TSPAN18: variants seen among roughly 807,000 people sequenced by gnomAD.
TSPAN18 encodes tetraspanin-18.
In TSPAN18, 14 loss-of-function variants were observed where a neutral mutation model predicts 27.3. The ratio of observed to expected loss-of-function variants is 0.51; its 90% CI spans 0.34 to 0.80. The LOEUF is 0.80. TSPAN18 is among the 30% of genes least tolerant of loss of function. TSPAN18 has a pLI of 0.01. For synonymous variants in TSPAN18, 143 were observed against 136.5 expected, an observed-to-expected ratio of 1.05 and a Z score of -0.33; for missense variants, 268 against 323.9, an observed-to-expected ratio of 0.83 and a Z score of 1.32.
intron 1 of TSPAN18, among the ~76,000 whole-genome samples, chr11:44,747,712 A>C (rs1253826389): frequency 6.6e-6 from 1 of 151,894 alleles, no homozygotes; most frequent in Non-Finnish European, 1.5e-5. Context: ...CTCTCTCAGC[A>C]CTCAGATTTC....
At chr11:44,822,553 T>C (rs1419920563) in intron 2 of TSPAN18, among the ~76,000 whole-genome samples, 7 of 151,624 alleles carry the variant, frequency 4.6e-5, no homozygotes, top group Non-Finnish European at 1.0e-4. Flanking sequence ...TCACTTCCAC[T>C]ATCATTGGTG....
At chr11:44,785,669 C>G (rs150929674) in intron 2 of TSPAN18, among the ~76,000 whole-genome samples, 2 of 152,164 alleles carry the variant, frequency 1.3e-5, no homozygotes, top group East Asian at 3.9e-4. Context: ...CTCCCTTTGT[C>G]TGGGGCCTCC....
intron 2 of TSPAN18, among the ~76,000 whole-genome samples, chr11:44,794,067 T>C (rs567926789): frequency 1.3e-4 from 20 of 152,278 alleles, no homozygotes; most frequent in South Asian, 6.2e-4. Flanking sequence ...GATTGTGTTA[T>C]CCAGGAATCA....
At chr11:44,797,476 G>T (rs1380188971) in intron 2 of TSPAN18, among the ~76,000 whole-genome samples, 1 of 152,166 alleles carries the variant, frequency 6.6e-6, no homozygotes, top group Admixed American at 6.6e-5. Context: ...TCTGAGCGAT[G>T]TGAGGGATGA....
chr11:44,904,247 C>G (rs1016895338), intron 3 of TSPAN18, among the ~76,000 whole-genome samples: 1 of 152,336 alleles, frequency 6.6e-6, no homozygotes. Flanking sequence ...GAGTGTCTTC[C>G]CCTCCTGACT....
At chr11:44,849,554 G>T (rs1857554234) in intron 2 of TSPAN18, among the ~76,000 whole-genome samples, 1 of 152,166 alleles carries the variant, frequency 6.6e-6, no homozygotes, top group Non-Finnish European at 1.5e-5. Flanking sequence ...TGCAGATGGG[G>T]GTGTGGCCTC....
intron 2 of TSPAN18, among the ~76,000 whole-genome samples, chr11:44,831,340 A>T (rs1451361890): frequency 6.6e-6 from 1 of 152,134 alleles, no homozygotes; most frequent in Non-Finnish European, 1.5e-5. Context: ...GTATGCTCGG[A>T]GCTACAGAGT....
At chr11:44,815,412 G>A (rs1191742611) in intron 2 of TSPAN18, among the ~76,000 whole-genome samples, 1 of 152,192 alleles carries the variant, frequency 6.6e-6, no homozygotes, top group Non-Finnish European at 1.5e-5. Context: ...CTTCCTCAGG[G>A]GTGGCTGGAC....
chr11:44,770,949 C>T (rs180781018), intron 2 of TSPAN18, among the ~76,000 whole-genome samples: 4 of 152,210 alleles, frequency 2.6e-5, no homozygotes, highest in Non-Finnish European at 5.9e-5. Context: ...TTGAGTTCTT[C>T]TCAGGCATTT....
At position 44,920,010 on chromosome 11, in the gene TSPAN18, T is replaced by C. The variant is rs1860066732; in HGVS notation, c.615+11T>C. On this transcript the variant is annotated intron_variant, in intron 8 of 9. Coordinates refer to ENST00000520358, the MANE Select transcript of TSPAN18 (RefSeq NM_130783.5). ...TTCCTAAACAAGCAGGTACTGGCCC[T>C]GCTCTCCAGACAGGGGAGTGGGTCT... The C allele has an allele frequency of 6.2e-7, 1 of 1,609,586 alleles. No homozygotes were observed. The highest frequency in any genetic ancestry group is 1.3e-5 in the African/African-American group (1 of 74,678).
chr11:44,749,633 T>C (rs972337146), intron 1 of TSPAN18, among the ~76,000 whole-genome samples: 4 of 70,540 alleles, frequency 5.7e-5, no homozygotes, highest in South Asian at 1.2e-3. Flanking sequence ...TGGAACTTTC[T>C]TTTTTTTTTT....
intron 2 of TSPAN18, among the ~76,000 whole-genome samples, chr11:44,803,788 C>A (rs1442633149): frequency 1.3e-5 from 2 of 151,980 alleles, no homozygotes; most frequent in Admixed American, 6.6e-5. Context: ...ATTGAGGCTA[C>A]TAAGAAAAAT....
chr11:44,888,320 G>A (rs374056504), intron 3 of TSPAN18, among the ~76,000 whole-genome samples: 2 of 151,884 alleles, frequency 1.3e-5, no homozygotes, highest in South Asian at 2.1e-4. Context: ...TTTACCCCTG[G>A]GTAACTCAGG....
chr11:44,922,235 A>G (rs1173882862), intron 8 of TSPAN18, among the ~76,000 whole-genome samples: 1 of 150,752 alleles, frequency 6.6e-6, no homozygotes, highest in Non-Finnish European at 1.5e-5. Flanking sequence ...TCCCACCTCA[A>G]CCTCTCAAGT....
At chr11:44,799,494 C>G (rs1000627917) in intron 2 of TSPAN18, among the ~76,000 whole-genome samples, 1 of 152,214 alleles carries the variant, frequency 6.6e-6, no homozygotes, top group African/African-American at 2.4e-5. Context: ...ATCTGTTAGC[C>G]CTCCAAGTAA....
intron 2 of TSPAN18, among the ~76,000 whole-genome samples, chr11:44,850,383 T>G (rs1272977387): frequency 1.3e-5 from 2 of 151,922 alleles, no homozygotes; most frequent in Non-Finnish European, 2.9e-5. Flanking sequence ...TCCTTTAGGG[T>G]GAGGCTGCCA....
chr11:44,886,469 A>T (rs1858658034), intron 3 of TSPAN18: 1 of 152,232 alleles, frequency 6.6e-6, no homozygotes. Context: ...TTCTCTGGGC[A>T]CCACTCCTGG....
At chr11:44,847,377 G>C (rs1477938998) in intron 2 of TSPAN18, among the ~76,000 whole-genome samples, 1 of 152,146 alleles carries the variant, frequency 6.6e-6, no homozygotes, top group African/African-American at 2.4e-5. Context: ...AGAAAATTGA[G>C]GCAAAATTTA....
At chr11:44,806,521 TG>T (rs2135084399) in intron 2 of TSPAN18, among the ~76,000 whole-genome samples, 1 of 152,270 alleles carries the variant, frequency 6.6e-6, no homozygotes, top group African/African-American at 2.4e-5. Context: ...TCTGTTAGAA[TG>T]GGTGGGGTGG....
Sources: allele counts gnomAD v4.1 joint callset (sites outside exome capture counted in the v4.1 genomes callset), GRCh38; gene constraint gnomAD v4.1.1; transcripts MANE v1.5; gene names NCBI Gene and HGNC (gene_info 2026-07-23, HGNC 2026-07-21).